Variants in CHST12 observed in about 807,000 individuals in gnomAD.
The protein encoded by CHST12 is carbohydrate (chondroitin 4) sulfotransferase 12.
CHST12 carries 23 observed loss-of-function variants against 27.9 expected under a neutral mutation model. That is an observed-to-expected ratio of 0.82 (90% CI 0.59 to 1.17). CHST12 has a LOEUF of 1.17. Ranked by LOEUF, CHST12 falls within the 50% of genes most tolerant of loss-of-function variation. CHST12 has a pLI of 0.00. For missense variants in CHST12, 682 were observed against 603.0 expected, an observed-to-expected ratio of 1.13 and a Z score of -1.37; for synonymous variants, 322 against 273.0, an observed-to-expected ratio of 1.18 and a Z score of -1.77.
At chr7:2,432,470 C>T in intron 1 of CHST12, 93 bp from the exon 2 acceptor site, 1 of 776,450 alleles carries the variant, frequency 1.3e-6, no homozygotes, top group Non-Finnish European at 2.0e-6. Flanking sequence ...AGCGCTCCTG[C>T]TCCTCCGGAC....
chr7:2,406,734 C>T (rs1379879980), intron 1 of CHST12, among the ~76,000 whole-genome samples: 3 of 152,208 alleles, frequency 2.0e-5, no homozygotes, highest in South Asian at 2.1e-4. Flanking sequence ...CCCTTGCTAA[C>T]GAAGCCCGTC....
chr7:2,404,657 CTGAG>C (rs1781475163), intron 1 of CHST12, among the ~76,000 whole-genome samples: 2 of 152,176 alleles, frequency 1.3e-5, no homozygotes, highest in South Asian at 4.1e-4. Context: ...GGGCTGGTGT[CTGAG>C]TGAGGATGGA....
intron 1 of CHST12, among the ~76,000 whole-genome samples, chr7:2,428,939 G>A (rs901060905): frequency 7.9e-5 from 12 of 152,252 alleles, no homozygotes; most frequent in Admixed American, 2.6e-4. Context: ...AGATGAGGGC[G>A]TTTATAGCAC....
At position 2,432,612 on chromosome 7, in the gene CHST12, G is replaced by A. The variant is rs754246193; in HGVS notation, c.-28G>A. On this transcript the variant is annotated 5_prime_UTR_variant, in exon 2 of 2. Transcript: ENST00000618655. ...TGCAGGAAGCTGAAGTGAGAGGCCC[G>A]GAGAGGGCCCAGCCCGCCCGGGGCA... 7 of 1,588,360 alleles carry A rather than the reference G, an allele frequency of 4.4e-6. No homozygotes were observed. Among genetic ancestry groups the A allele is most frequent in the African/African-American group, 2.7e-5 (2 of 74,570 alleles).
chr7:2,425,880 C>T (rs931258221), intron 1 of CHST12, among the ~76,000 whole-genome samples: 2 of 152,034 alleles, frequency 1.3e-5, no homozygotes, highest in African/African-American at 4.8e-5. Flanking sequence ...TGTCATCTTT[C>T]TGAATGCAGA....
At chr7:2,403,506 C>G (rs1246692381), upstream of CHST12, 2 of 151,666 alleles carry the variant, frequency 1.3e-5, no homozygotes, top group East Asian at 1.9e-4. Flanking sequence ...CCCTCGGCCT[C>G]CGTGGCCCCT....
At chr7:2,428,402 G>GC (rs1039295579) in intron 1 of CHST12, among the ~76,000 whole-genome samples, 5 of 152,034 alleles carry the variant, frequency 3.3e-5, no homozygotes, top group Admixed American at 2.0e-4. Flanking sequence ...GTGGGATCTG[G>GC]CCAGAAGCCC....
At chr7:2,430,889 A>G (rs1782254971) in intron 1 of CHST12, among the ~76,000 whole-genome samples, 1 of 152,226 alleles carries the variant, frequency 6.6e-6, no homozygotes, top group Non-Finnish European at 1.5e-5. Context: ...TGCCCTGTCA[A>G]GATTTCAATT....
In CHST12 at chr7:2,437,948, G is replaced by A. The variant is rs1292499395; in HGVS notation, c.*4064G>A. 1 of 152,286 alleles carries A rather than the reference G, an allele frequency of 6.6e-6. No homozygotes were observed. Among genetic ancestry groups the A allele is most frequent in the African/African-American group, 2.4e-5 (1 of 41,444 alleles). The allele number at this position is 152,286 out of a possible 1,614,324, so 9.4% of individuals were successfully genotyped here. Reference sequence around the variant, plus strand: ...GAGAGGCTGGCAGGGCTGCCGTAGGGGTGGAGAGTGAACGCAGGGTGGCTA... The same window carrying A: ...GAGAGGCTGGCAGGGCTGCCGTAGGAGTGGAGAGTGAACGCAGGGTGGCTA... On this transcript the variant is annotated 3_prime_UTR_variant, in exon 2 of 2. Transcript: ENST00000618655.
rs1424369099 is a variant in CHST12, at chr7:2,435,381, C to G, written c.*1497C>G. ...AAGAAGAGGCTCCGTGTGACTGTCTCTGTGGCTTTCTGGTTGGTTTAGCTC... is the reference window on the plus strand; with the variant it reads ...AAGAAGAGGCTCCGTGTGACTGTCTGTGTGGCTTTCTGGTTGGTTTAGCTC... On this transcript the variant is annotated 3_prime_UTR_variant, in exon 2 of 2. Coordinates refer to ENST00000618655, the MANE Select transcript of CHST12 (RefSeq NM_018641.5). The G allele has an allele frequency of 6.6e-6, 1 of 152,236 alleles. No homozygotes were observed. The highest frequency in any genetic ancestry group is 1.5e-5 in the Non-Finnish European group (1 of 68,100). 9.4% of individuals were successfully genotyped at this position (152,236 alleles called of 1,614,324 possible). A position where few individuals can be genotyped will look rare whatever the true frequency, so the allele number is the denominator to read the frequency against.
rs1782400740 is a variant in CHST12, at chr7:2,434,112, A to ACG, written c.*229_*230insGC. ...TATCCCCTCTCCCCTCCGCCCGCCC[A>ACG]CCCGCCCGCCCGCTCGCCCGCTCGC... On this transcript the variant is annotated 3_prime_UTR_variant, in exon 2 of 2. Transcript: ENST00000618655. 8.1e-5 allele frequency: 28 copies of ACG among 346,862 alleles called. No homozygotes were observed. The highest frequency in any genetic ancestry group is 6.8e-4 in the African/African-American group (26 of 38,416). The allele number at this position is 346,862 out of a possible 1,614,324, so 21.5% of individuals were successfully genotyped here.
At chr7:2,413,714 A>C (rs376798118) in intron 1 of CHST12, among the ~76,000 whole-genome samples, 1 of 139,742 alleles carries the variant, frequency 7.2e-6, no homozygotes, top group Non-Finnish European at 1.5e-5. Context: ...GGTTGTTTTC[A>C]GGTTTTAGCT....
chr7:2,434,220 T>C lies in CHST12; in HGVS notation c.*336T>C, dbSNP rs1782409102. 1 of 208,750 alleles carries C rather than the reference T, an allele frequency of 4.8e-6. No homozygotes were observed. The highest frequency in any genetic ancestry group is 5.4e-5 in the Admixed American group (1 of 18,644). The allele number at this position is 208,750 out of a possible 1,614,324, so 12.9% of individuals were successfully genotyped here. On this transcript the variant is annotated 3_prime_UTR_variant, in exon 2 of 2. Coordinates refer to ENST00000618655, the MANE Select transcript of CHST12 (RefSeq NM_018641.5). Reference sequence around the variant, plus strand: ...GAGCTGCCTCCAGGGCTAGGGCCACTCACCGGAGGAGGGCGGGGCCTGCAC... The same window carrying C: ...GAGCTGCCTCCAGGGCTAGGGCCACCCACCGGAGGAGGGCGGGGCCTGCAC...
chr7:2,403,644 AGGTGAGG>A lies in CHST12; in HGVS notation c.-104_-98del, dbSNP rs1781442525. 1.5e-5 allele frequency: 2 copies of A among 132,406 alleles called. No individual in the cohort carries two copies. The highest frequency in any genetic ancestry group is 4.1e-4 in the South Asian group (2 of 4,828). 8.2% of individuals were successfully genotyped at this position (132,406 alleles called of 1,614,324 possible). A position where few individuals can be genotyped will look rare whatever the true frequency, so the allele number is the denominator to read the frequency against. ...GGCGGCGGCGGCGGCTGCGGGCGCG[AGGTGAGG>A]GGCGCGAGGTGAGGGTCGCGAGGTG... On this transcript the variant is annotated 5_prime_UTR_variant, in exon 1 of 2. Coordinates refer to ENST00000618655, the MANE Select transcript of CHST12 (RefSeq NM_018641.5).
chr7:2,419,069 A>T (rs1229061482), intron 1 of CHST12, among the ~76,000 whole-genome samples: 1 of 151,948 alleles, frequency 6.6e-6, no homozygotes, highest in Non-Finnish European at 1.5e-5. Context: ...AATTGCTGGG[A>T]TCACAGGCAT....
rs1326773979 is a variant in CHST12 at position 2,437,874 on chromosome 7, C to G, written c.*3990C>G. Reference sequence around the variant, plus strand: ...ATGAGGCCAGCTGCATTCATCGGGGCCTGGATGGCCGCACCTCTCTCTCCC... The same window carrying G: ...ATGAGGCCAGCTGCATTCATCGGGGGCTGGATGGCCGCACCTCTCTCTCCC... On this transcript the variant is annotated 3_prime_UTR_variant, in exon 2 of 2. Coordinates refer to ENST00000618655, the MANE Select transcript of CHST12 (RefSeq NM_018641.5). 6.6e-6 allele frequency: 1 copy of G among 152,362 alleles called. No homozygotes were observed. Among genetic ancestry groups the G allele is most frequent in the East Asian group, 1.9e-4 (1 of 5,170 alleles). 9.4% of individuals were successfully genotyped at this position (152,362 alleles called of 1,614,324 possible).
At chr7:2,422,464 C>T (rs943753124) in intron 1 of CHST12, among the ~76,000 whole-genome samples, 17 of 151,962 alleles carry the variant, frequency 1.1e-4, no homozygotes, top group East Asian at 3.9e-4. Context: ...AGGCTGGTCT[C>T]GAACTCCTGA....
intron 1 of CHST12, among the ~76,000 whole-genome samples, chr7:2,430,424 T>C (rs913980612): frequency 6.6e-6 from 1 of 152,174 alleles, no homozygotes; most frequent in African/African-American, 2.4e-5. Flanking sequence ...CAAGCGATTC[T>C]CCTGCCTCAG....
rs150755138 is a variant in CHST12, at chr7:2,427,218, A to G, written c.-77-5345A>G. The stretch of plus-strand genomic sequence containing the variant: ...AAAAAGAGAGAGAGAGAGACATACA[A>G]ATGTAAAAATACTCAGTTTAAGAAA... On this transcript the variant is annotated intron_variant, in intron 1 of 1. Transcript: ENST00000618655. 2.0e-5 allele frequency among the ~76,000 whole-genome samples: 3 copies of G among 151,946 alleles called. 1 individual carries two copies. The East Asian group carries it at 5.8e-4, about 29-fold the overall frequency.
Sources: allele counts gnomAD v4.1 joint callset (sites outside exome capture counted in the v4.1 genomes callset), GRCh38; gene constraint gnomAD v4.1.1; transcripts MANE v1.5; gene names NCBI Gene and HGNC (gene_info 2026-07-23, HGNC 2026-07-21).